The following SMAP1 variants were observed in gnomAD, a reference collection of about 807,000 sequenced individuals.
The protein encoded by SMAP1 is stromal membrane-associated protein 1.
A neutral mutation model predicts 58.5 loss-of-function variants in SMAP1; 24 were observed. That is an observed-to-expected ratio of 0.41 (90% CI 0.30 to 0.58). SMAP1 has a LOEUF of 0.58. SMAP1 is among the 20% of genes least tolerant of loss of function. SMAP1 has a pLI of 0.29. For missense variants in SMAP1, 563 were observed against 566.3 expected, an observed-to-expected ratio of 0.99 and a Z score of 0.06; for synonymous variants, 216 against 196.6, an observed-to-expected ratio of 1.10 and a Z score of -0.82.
intron 3 of SMAP1, among the ~76,000 whole-genome samples, chr6:70,765,721 TC>T (rs1162766962): frequency 1.3e-5 from 2 of 151,948 alleles, no homozygotes; most frequent in African/African-American, 2.4e-5. Context: ...TATTCACTTT[TC>T]TTTTTTTATT....
intron 10 of SMAP1, 56 bp downstream of exon 10, chr6:70,858,285 ATCTTTTTTTTT>A (rs1466102152): frequency 1.7e-5 from 17 of 1,019,682 alleles, no homozygotes; most frequent in Non-Finnish European, 2.1e-5. Context: ...TATTTTCTAA[ATCTTTTTTTTT>A]TTTTTTTTTT....
intron 1 of SMAP1, among the ~76,000 whole-genome samples, chr6:70,685,597 G>T (rs762773287): frequency 6.6e-6 from 1 of 152,106 alleles, no homozygotes; most frequent in Non-Finnish European, 1.5e-5. Context: ...AGGTAAACAG[G>T]TTTGTGCATA....
chr6:70,683,488 C>T lies in SMAP1; in HGVS notation c.118+15347C>T, dbSNP rs185370685. ...AATATTGAACATTTTTTAATGTGCT[C>T]ATTGGTCATTTCTATTCTGTTAGGA... On this transcript the variant is annotated intron_variant, in intron 1 of 10. Coordinates refer to ENST00000370455, the MANE Select transcript of SMAP1 (RefSeq NM_001044305.3). Among the ~76,000 whole-genome samples the T allele has an allele frequency of 1.5e-3, 225 of 152,100 alleles. 4 individuals carry two copies. The highest frequency in any genetic ancestry group is 5.3e-3 in the African/African-American group (221 of 41,486).
At chr6:70,766,263 T>C (rs1016515240) in intron 3 of SMAP1, among the ~76,000 whole-genome samples, 12 of 152,220 alleles carry the variant, frequency 7.9e-5, no homozygotes, top group Admixed American at 7.9e-4. Context: ...ACATACCTAG[T>C]AATGGGATGG....
intron 6 of SMAP1, among the ~76,000 whole-genome samples, chr6:70,803,008 A>G (rs990464126): frequency 1.3e-5 from 2 of 152,194 alleles, no homozygotes; most frequent in African/African-American, 4.8e-5. Context: ...TATCAGGATG[A>G]TTCTGGCCTC....
At chr6:70,798,442 G>C (rs899542215) in intron 5 of SMAP1, among the ~76,000 whole-genome samples, 1 of 151,808 alleles carries the variant, frequency 6.6e-6, no homozygotes, top group African/African-American at 2.4e-5. Flanking sequence ...CTGTGCCTCT[G>C]TCTTAATTTT....
At chr6:70,680,017 C>T (rs1375279986) in intron 1 of SMAP1, among the ~76,000 whole-genome samples, 3 of 152,100 alleles carry the variant, frequency 2.0e-5, no homozygotes, top group Admixed American at 6.5e-5. Flanking sequence ...GAACATAATA[C>T]GTAGTCCAGA....
chr6:70,755,284 T>G (rs1447334368), intron 3 of SMAP1, among the ~76,000 whole-genome samples: 1 of 151,994 alleles, frequency 6.6e-6, no homozygotes, highest in Non-Finnish European at 1.5e-5. Flanking sequence ...ACACGATACA[T>G]ATGGTATTTA....
At chr6:70,742,694 G>C (rs1765866115) in intron 2 of SMAP1, among the ~76,000 whole-genome samples, 1 of 152,158 alleles carries the variant, frequency 6.6e-6, no homozygotes, top group South Asian at 2.1e-4. Flanking sequence ...CCAGTTTACT[G>C]TATTAGTCTG....
chr6:70,776,153 A>G (rs939303482), intron 4 of SMAP1, among the ~76,000 whole-genome samples: 12 of 152,128 alleles, frequency 7.9e-5, no homozygotes, highest in Non-Finnish European at 4.4e-5. Context: ...CTTAAGGGGT[A>G]TCCACAGAGG....
chr6:70,719,560 A>G (rs569890778), intron 1 of SMAP1, among the ~76,000 whole-genome samples: 10 of 152,248 alleles, frequency 6.6e-5, no homozygotes, highest in African/African-American at 1.9e-4. Context: ...ATATCCCTGA[A>G]TATTTCAGCG....
rs190133672 is a variant in SMAP1, at chr6:70,861,564, A to C, written c.*1230A>C. 1 of 1,124,462 alleles carries C rather than the reference A, an allele frequency of 8.9e-7. No individual in the cohort carries two copies. The highest frequency in any genetic ancestry group is 1.5e-5 in the African/African-American group (1 of 64,802). The allele number at this position is 1,124,462 out of a possible 1,614,324, so 69.7% of individuals were successfully genotyped here. On this transcript the variant is annotated 3_prime_UTR_variant, in exon 11 of 11. Coordinates refer to ENST00000370455, the MANE Select transcript of SMAP1 (RefSeq NM_001044305.3). ...ACAAGAAAGGCTGCTGTACTGAAGT[A>C]AAACAAACAATACCTGAATGCTCTG... is the stretch of plus-strand genomic sequence containing the variant.
chr6:70,668,819 T>C lies in SMAP1; in HGVS notation c.118+678T>C, dbSNP rs552117916. The C allele has an allele frequency of 2.0e-4, 269 of 1,327,190 alleles. 1 individual carries two copies. The African/African-American group carries it at 3.2e-3, about 16-fold the overall frequency. The allele number at this position is 1,327,190 out of a possible 1,614,324, so 82.2% of individuals were successfully genotyped here. Reference sequence around the variant, plus strand: ...TTAGCCAGAATGAAGAGGAATTTCATTACATGAGTCTCTTGGAGGACGGTG... The same window carrying C: ...TTAGCCAGAATGAAGAGGAATTTCACTACATGAGTCTCTTGGAGGACGGTG... On this transcript the variant is annotated intron_variant, in intron 1 of 10. Coordinates refer to ENST00000370455, the MANE Select transcript of SMAP1 (RefSeq NM_001044305.3).
intron 1 of SMAP1, among the ~76,000 whole-genome samples, chr6:70,731,024 T>A (rs1431575633): frequency 6.6e-6 from 1 of 152,184 alleles, no homozygotes; most frequent in Non-Finnish European, 1.5e-5. Flanking sequence ...GTTCTCAAAC[T>A]CCTGACCTCA....
intron 6 of SMAP1, among the ~76,000 whole-genome samples, chr6:70,828,278 C>T (rs945498174): frequency 4.6e-5 from 7 of 151,764 alleles, no homozygotes; most frequent in South Asian, 2.1e-4. Context: ...AAAGGTTAAA[C>T]CTATGAAGAT....
intron 3 of SMAP1, among the ~76,000 whole-genome samples, chr6:70,760,235 G>A (rs997229856): frequency 1.3e-5 from 2 of 151,948 alleles, no homozygotes; most frequent in Admixed American, 1.3e-4. Flanking sequence ...TTTATGTTAG[G>A]CTTTTGGATT....
chr6:70,705,061 T>C (rs543102331), intron 1 of SMAP1, among the ~76,000 whole-genome samples: 1 of 152,302 alleles, frequency 6.6e-6, no homozygotes, highest in East Asian at 1.9e-4. Context: ...AGAAAGTTCT[T>C]GGCATATAGT....
At chr6:70,792,557 G>A (rs1015523271) in intron 5 of SMAP1, among the ~76,000 whole-genome samples, 7 of 151,746 alleles carry the variant, frequency 4.6e-5, no homozygotes, top group Non-Finnish European at 7.4e-5. Flanking sequence ...ATTGAGGTAC[G>A]CTCACTGTAC....
intron 10 of SMAP1, chr6:70,859,647 A>G (rs1771615432): frequency 6.9e-6 from 2 of 289,060 alleles, no homozygotes; most frequent in Admixed American, 4.9e-5. Context: ...GCTTATATAT[A>G]TATATATTTG....
Sources: gnomAD v4.1 joint callset for allele counts (sites outside exome capture counted in the v4.1 genomes callset) on GRCh38, gnomAD v4.1.1 for gene constraint, MANE v1.5 for transcripts, NCBI Gene and HGNC (gene_info 2026-07-23, HGNC 2026-07-21) for gene names.